Variants in IL1RAPL1 observed in about 807,000 individuals in gnomAD.
IL1RAPL1 encodes interleukin-1 receptor accessory protein-like 1.
A neutral mutation model predicts 48.4 loss-of-function variants in IL1RAPL1; 3 were observed. The observed-to-expected ratio is 0.06, with a 90% CI of 0.03 to 0.16. The LOEUF is 0.16. Ranked by LOEUF, IL1RAPL1 falls within the 10% of genes least tolerant of loss-of-function variation. The pLI is 1.00. For synonymous variants in IL1RAPL1, 185 were observed against 187.7 expected, an observed-to-expected ratio of 0.99 and a Z score of 0.12; for missense variants, 349 against 530.6, an observed-to-expected ratio of 0.66 and a Z score of 3.36.
intron 6 of IL1RAPL1, among the ~76,000 whole-genome samples, chrX:29,733,247 C>A (rs867089118): frequency 2.9e-4 from 32 of 112,276 alleles, no homozygotes; most frequent in Non-Finnish European, 5.3e-4. Flanking sequence ...CATGTCAATT[C>A]TTTGTCTTCT....
chrX:29,301,193 C>A, intron 3 of IL1RAPL1, among the ~76,000 whole-genome samples: 1 of 111,875 alleles, frequency 8.9e-6, no homozygotes, highest in East Asian at 2.8e-4. Context: ...TTTGAATTCC[C>A]TCTTTTGTTT....
chrX:28,955,167 C>A (rs747313610), intron 2 of IL1RAPL1, among the ~76,000 whole-genome samples: 3 of 111,323 alleles, frequency 2.7e-5, no homozygotes, highest in South Asian at 3.8e-4. Flanking sequence ...AATATAGACT[C>A]CTACTAGCCA....
intron 5 of IL1RAPL1, among the ~76,000 whole-genome samples, chrX:29,472,227 G>A (rs1444178177): frequency 9.0e-6 from 1 of 111,453 alleles, no homozygotes; most frequent in Non-Finnish European, 1.9e-5. Context: ...ACCATGTCCT[G>A]TCTTCCCTTG....
chrX:29,882,296 G>T (rs1824081544), intron 6 of IL1RAPL1, among the ~76,000 whole-genome samples: 1 of 111,623 alleles, frequency 9.0e-6, no homozygotes, highest in Non-Finnish European at 1.9e-5. Flanking sequence ...ATTATCAGGA[G>T]GCATTTTGTA....
intron 6 of IL1RAPL1, among the ~76,000 whole-genome samples, chrX:29,746,750 G>A (rs1569159056): frequency 8.9e-6 from 1 of 111,806 alleles, no homozygotes; most frequent in East Asian, 2.8e-4. Context: ...AGGGATTACA[G>A]GCATGTGCCA....
At chrX:29,918,459 C>T (rs1208253320) in intron 7 of IL1RAPL1, among the ~76,000 whole-genome samples, 2 of 95,900 alleles carry the variant, frequency 2.1e-5, no homozygotes, top group African/African-American at 3.9e-5. Context: ...GAGCCGAGAT[C>T]GCACCATTGC....
chrX:29,078,646 A>G (rs1927736645), intron 2 of IL1RAPL1, among the ~76,000 whole-genome samples: 1 of 112,208 alleles, frequency 8.9e-6, no homozygotes, highest in Non-Finnish European at 1.9e-5. Context: ...TCTACTTCCT[A>G]TCGAAATTTC....
intron 1 of IL1RAPL1, among the ~76,000 whole-genome samples, chrX:28,747,992 A>G (rs932911604): frequency 8.9e-6 from 1 of 111,981 alleles, no homozygotes; most frequent in African/African-American, 3.2e-5. Flanking sequence ...CATATCTTCT[A>G]ATTCACTAAT....
intron 1 of IL1RAPL1, among the ~76,000 whole-genome samples, chrX:28,692,862 T>C: frequency 8.9e-6 from 1 of 111,784 alleles, no homozygotes; most frequent in Non-Finnish European, 1.9e-5. Flanking sequence ...TTTTTACCTG[T>C]ATACTCTTCT....
chrX:29,055,552 G>A (rs904489903), intron 2 of IL1RAPL1, among the ~76,000 whole-genome samples: 5 of 111,483 alleles, frequency 4.5e-5, no homozygotes, highest in Non-Finnish European at 5.7e-5. Flanking sequence ...TATTGAGTGC[G>A]CTATACTAAA....
intron 3 of IL1RAPL1, among the ~76,000 whole-genome samples, chrX:29,303,538 C>A (rs1932570770): frequency 9.0e-6 from 1 of 111,499 alleles, no homozygotes; most frequent in Non-Finnish European, 1.9e-5. Context: ...CTTCCTAGAT[C>A]CAGATTTCTA....
At chrX:29,054,764 A>AT (rs1355382452) in intron 2 of IL1RAPL1, among the ~76,000 whole-genome samples, 1 of 111,292 alleles carries the variant, frequency 9.0e-6, no homozygotes, top group African/African-American at 3.3e-5. Context: ...CTCCCAAATT[A>AT]TTTTTTTTCG....
At chrX:29,183,239 A>C (rs1930181750) in intron 2 of IL1RAPL1, among the ~76,000 whole-genome samples, 1 of 110,910 alleles carries the variant, frequency 9.0e-6, no homozygotes, top group Non-Finnish European at 1.9e-5. Flanking sequence ...GAGATGTACT[A>C]CTCTGATTTT....
chrX:29,802,898 T>TATAC (rs1555922196), intron 6 of IL1RAPL1, among the ~76,000 whole-genome samples: 4 of 56,959 alleles, frequency 7.0e-5, no homozygotes, highest in African/African-American at 3.2e-4. Flanking sequence ...TGTATACATA[T>TATAC]ATATGTGTAT....
intron 5 of IL1RAPL1, among the ~76,000 whole-genome samples, chrX:29,496,213 AT>A (rs1935211357): frequency 9.0e-6 from 1 of 111,565 alleles, no homozygotes; most frequent in Non-Finnish European, 1.9e-5. Context: ...GTAAAAATGT[AT>A]TTTTTTCTCT....
chrX:29,661,265 G>T (rs1925838455), intron 5 of IL1RAPL1, among the ~76,000 whole-genome samples: 1 of 112,531 alleles, frequency 8.9e-6, no homozygotes, highest in South Asian at 3.6e-4. Flanking sequence ...TCATCAGCAA[G>T]TAAGGATAAT....
At chrX:28,865,331 C>G (rs1260279191) in intron 2 of IL1RAPL1, among the ~76,000 whole-genome samples, 2 of 109,645 alleles carry the variant, frequency 1.8e-5, no homozygotes, top group African/African-American at 6.7e-5. Context: ...CCCAGCTACT[C>G]AGGAGGCTGA....
intron 6 of IL1RAPL1, among the ~76,000 whole-genome samples, chrX:29,748,150 A>G (rs182271031): frequency 7.1e-5 from 8 of 112,166 alleles, no homozygotes; most frequent in Admixed American, 3.8e-4. Flanking sequence ...AGCATATTCC[A>G]GAGTATGTGC....
At chrX:28,894,099 A>G (rs977501230) in intron 2 of IL1RAPL1, among the ~76,000 whole-genome samples, 3 of 112,109 alleles carry the variant, frequency 2.7e-5, no homozygotes, top group Admixed American at 9.4e-5. Context: ...TTTTTTTATT[A>G]AAGAGGTATT....
Sources: gnomAD v4.1 joint callset for allele counts (sites outside exome capture counted in the v4.1 genomes callset) on GRCh38, gnomAD v4.1.1 for gene constraint, MANE v1.5 for transcripts, NCBI Gene and HGNC (gene_info 2026-07-23, HGNC 2026-07-21) for gene names.